The following PCDHA1 variants were observed in gnomAD, a reference collection of about 807,000 sequenced individuals.
The protein encoded by PCDHA1 is protocadherin alpha 1.
Under a neutral mutation model 61.3 loss-of-function variants are expected in PCDHA1, and 42 were observed. The observed-to-expected ratio is 0.69, with a 90% CI of 0.54 to 0.89. PCDHA1 has a LOEUF of 0.89. PCDHA1 is among the 40% of genes least tolerant of loss of function. The probability of loss-of-function intolerance (pLI) is 0.00; values close to 1 mark genes in which losing one functional copy is unlikely to be tolerated. For synonymous variants in PCDHA1, 610 were observed against 553.8 expected, an observed-to-expected ratio of 1.10 and a Z score of -1.43; for missense variants, 1,256 against 1,235.3, an observed-to-expected ratio of 1.02 and a Z score of -0.25.
chr5:140,978,656 G>A (rs2096815434), intron 1 of PCDHA1, among the ~76,000 whole-genome samples: 1 of 152,248 alleles, frequency 6.6e-6, no homozygotes, highest in African/African-American at 2.4e-5. Flanking sequence ...TCTTCCCGTA[G>A]TGTTTTAAGA....
intron 1 of PCDHA1, among the ~76,000 whole-genome samples, chr5:140,905,764 A>G (rs2072069491): frequency 6.6e-6 from 1 of 152,144 alleles, no homozygotes; most frequent in African/African-American, 2.4e-5. Flanking sequence ...TTGGTTAAGT[A>G]TATTCCGAAG....
At chr5:140,832,436 T>G in intron 1 of PCDHA1, among the ~76,000 whole-genome samples, 1 of 152,222 alleles carries the variant, frequency 6.6e-6, no homozygotes, top group South Asian at 2.1e-4. Context: ...TGATAATTTT[T>G]AAGCGTGTAA....
At chr5:140,828,910 G>T (rs2150160654) in intron 1 of PCDHA1, 1 of 1,613,410 alleles carries the variant, frequency 6.2e-7, no homozygotes, top group African/African-American at 1.3e-5. Context: ...ATGAAGGAGC[G>T]AATGGGGCAA....
rs2150473492 is a variant in PCDHA1 at position 140,850,211 on chromosome 5, C to T, written c.2394+61527C>T. 11 of 1,593,428 alleles carry T rather than the reference C, an allele frequency of 6.9e-6. 1 individual carries two copies. Among genetic ancestry groups the T allele is most frequent in the Non-Finnish European group, 9.4e-6 (11 of 1,167,634 alleles). ...CGCTGCTGACACCTCGGATGAGGGG[C>T]ACTGACGGCGCAGTGAGCGAGATGG... On this transcript the variant is annotated intron_variant, in intron 1 of 3. Coordinates refer to ENST00000504120, the MANE Select transcript of PCDHA1 (RefSeq NM_018900.4).
chr5:140,928,939 T>C (rs367874769), intron 1 of PCDHA1: 1 of 1,614,130 alleles, frequency 6.2e-7, no homozygotes, highest in Non-Finnish European at 8.5e-7. Context: ...CCAGAACTTG[T>C]ATTTAGTAAT....
At position 140,817,863 on chromosome 5, in the gene PCDHA1, G is replaced by A. The variant is rs934144894; in HGVS notation, c.2394+29179G>A. 3.9e-5 allele frequency among the ~76,000 whole-genome samples: 6 copies of A among 152,130 alleles called. No individual in the cohort carries two copies. In the South Asian group the frequency reaches 6.2e-4, roughly 16 times the overall value. On this transcript the variant is annotated intron_variant, in intron 1 of 3. Transcript: ENST00000504120. ...TATCACTTTTGAGAAACAGTTTTGG[G>A]TATTGAATGAAAGTTATTTTTGCCA...
chr5:140,803,385 G>A (rs782489307), intron 1 of PCDHA1: 8 of 1,614,100 alleles, frequency 5.0e-6, no homozygotes, highest in East Asian at 4.5e-5. Context: ...GCCAACCGAA[G>A]GCGACTGTGG....
At chr5:140,828,142 G>A in intron 1 of PCDHA1, 2 of 1,613,968 alleles carry the variant, frequency 1.2e-6, no homozygotes, top group African/African-American at 1.3e-5. Flanking sequence ...TGCTCCTCCC[G>A]CTTCTGCTCC....
chr5:140,905,750 C>T (rs1349523564), intron 1 of PCDHA1, among the ~76,000 whole-genome samples: 1 of 152,102 alleles, frequency 6.6e-6, no homozygotes, highest in Non-Finnish European at 1.5e-5. Flanking sequence ...GATCTTTCAC[C>T]TCCTTGGTTA....
intron 1 of PCDHA1, chr5:140,836,303 G>C: frequency 6.2e-7 from 1 of 1,613,706 alleles, no homozygotes; most frequent in East Asian, 2.2e-5. Flanking sequence ...TAGATGAGAC[G>C]GACGCACCGC....
At chr5:140,924,227 TA>T (rs2153571643) in intron 1 of PCDHA1, among the ~76,000 whole-genome samples, 1 of 152,354 alleles carries the variant, frequency 6.6e-6, no homozygotes, top group East Asian at 1.9e-4. Flanking sequence ...GTTCAATTTT[TA>T]TGGGCTGTTT....
At chr5:140,858,342 C>T (rs528199752) in intron 1 of PCDHA1, 5 of 1,594,916 alleles carry the variant, frequency 3.1e-6, no homozygotes, top group East Asian at 2.2e-5. Flanking sequence ...CTGCCCAAGG[C>T]GGACCTCATG....
chr5:140,941,639 TC>T (rs2093135030), intron 1 of PCDHA1, among the ~76,000 whole-genome samples: 1 of 152,044 alleles, frequency 6.6e-6, no homozygotes, highest in Non-Finnish European at 1.5e-5. Context: ...ATTTCTGTCT[TC>T]CTACAACTTA....
Position 140,824,370 on chromosome 5 carries a change from T to C in PCDHA1, c.2394+35686T>C, listed in dbSNP as rs1768101933. 20 of 570,032 alleles carry C rather than the reference T, an allele frequency of 3.5e-5. No homozygotes were observed. In the South Asian group the frequency reaches 4.2e-4, roughly 12 times the overall value. The allele number at this position is 570,032 out of a possible 1,614,324, so 35.3% of individuals were successfully genotyped here. On this transcript the variant is annotated intron_variant, in intron 1 of 3. Coordinates refer to ENST00000504120, the MANE Select transcript of PCDHA1 (RefSeq NM_018900.4). ...ATAATATTTTATATTAGCATTTGAA[T>C]TTTGCATCTCTAAAAATGTAGGATA...
chr5:140,788,032 T>G lies in PCDHA1; in HGVS notation c.1742T>G (p.Val581Gly). ...ACTATTGGTGCAGTCAGTGAGCTGG[T>G]GCCGCGATTGGTGGGTGCGGGTCAT... ...GGTIGAVSEL[V>G]PRLVGAGHVV... The change falls in exon 1 of 4, where the codon GTG (valine) becomes GGG (glycine). Residue 581 changes from valine (V) to glycine (G), a missense_variant. By Grantham distance (109) the Val-to-Gly change is moderately radical. Coordinates refer to ENST00000504120, the MANE Select transcript of PCDHA1 (RefSeq NM_018900.4). 1 of 1,613,980 alleles carries G rather than the reference T, an allele frequency of 6.2e-7. No homozygotes were observed. Among genetic ancestry groups the G allele is most frequent in the Non-Finnish European group, 8.5e-7 (1 of 1,179,894 alleles).
chr5:140,863,401 CCCACGCTGGTGT>C, intron 1 of PCDHA1: 2 of 854,408 alleles, frequency 2.3e-6, no homozygotes, highest in East Asian at 4.2e-5. Flanking sequence ...GCCGGGCAAG[CCCACGCTGGTGT>C]ACCGCAGCGT....
At chr5:140,888,487 A>G (rs2061843954) in intron 1 of PCDHA1, among the ~76,000 whole-genome samples, 1 of 152,162 alleles carries the variant, frequency 6.6e-6, no homozygotes, top group Admixed American at 6.5e-5. Context: ...CTGTTGAGAA[A>G]CTCTGCTTTA....
chr5:140,801,748 G>T, intron 1 of PCDHA1: 1 of 1,613,984 alleles, frequency 6.2e-7, no homozygotes, highest in Non-Finnish European at 8.5e-7. Flanking sequence ...GACGTTAAAA[G>T]AAATGATGAG....
chr5:140,859,825 T>C (rs752840072), intron 1 of PCDHA1: 1 of 152,250 alleles, frequency 6.6e-6, no homozygotes, highest in Admixed American at 6.5e-5. Flanking sequence ...AGTTTAGAAG[T>C]GTATTTGTTA....
Sources: allele counts gnomAD v4.1 joint callset (sites outside exome capture counted in the v4.1 genomes callset), GRCh38; gene constraint gnomAD v4.1.1; transcripts MANE v1.5; gene names NCBI Gene and HGNC (gene_info 2026-07-23, HGNC 2026-07-21).